The following USH2A variants were observed in gnomAD, a reference collection of about 807,000 sequenced individuals.
The protein encoded by USH2A is Usher syndrome 2A (autosomal recessive, mild).
A neutral mutation model predicts 538.9 loss-of-function variants in USH2A; 443 were observed. The observed-to-expected ratio is 0.82, with a 90% CI of 0.76 to 0.89. The LOEUF is 0.89. Among genes scored for constraint, USH2A ranks in the 40% least tolerant of loss-of-function variants. USH2A has a pLI of 0.00. For missense variants in USH2A, 6,633 were observed against 6,324.8 expected, an observed-to-expected ratio of 1.05 and a Z score of -1.65; for synonymous variants, 2,413 against 2,273.5, an observed-to-expected ratio of 1.06 and a Z score of -1.75.
chr1:216,153,149 T>C (rs185280011), intron 21 of USH2A, among the ~76,000 whole-genome samples: 17 of 152,212 alleles, frequency 1.1e-4, no homozygotes, highest in Non-Finnish European at 2.4e-4. Flanking sequence ...ACATTTACCA[T>C]CCTTCAGTTT....
At chr1:215,744,586 T>C (rs1394257468) in intron 58 of USH2A, among the ~76,000 whole-genome samples, 2 of 152,214 alleles carry the variant, frequency 1.3e-5, no homozygotes, top group Non-Finnish European at 2.9e-5. Context: ...ATAACATTAC[T>C]GAGGAAGCAC....
intron 47 of USH2A, among the ~76,000 whole-genome samples, chr1:215,826,077 C>A (rs1663144078): frequency 6.6e-6 from 1 of 152,144 alleles, no homozygotes. Context: ...AGCAGTTCTG[C>A]AATGAAAGGT....
intron 21 of USH2A, among the ~76,000 whole-genome samples, chr1:216,139,958 T>C (rs538616141): frequency 6.6e-6 from 1 of 152,256 alleles, no homozygotes; most frequent in African/African-American, 2.4e-5. Flanking sequence ...AGGTGAGCAC[T>C]ACACACACAC....
intron 13 of USH2A, among the ~76,000 whole-genome samples, chr1:216,232,596 A>T (rs1157441302): frequency 1.3e-5 from 2 of 152,228 alleles, no homozygotes; most frequent in Non-Finnish European, 2.9e-5. Context: ...GACTAAAAAA[A>T]GTTATCTGAA....
At chr1:215,769,377 A>C (rs2102750442) in intron 55 of USH2A, among the ~76,000 whole-genome samples, 1 of 152,320 alleles carries the variant, frequency 6.6e-6, no homozygotes, top group East Asian at 1.9e-4. Context: ...AGGTTTGCTA[A>C]GGTTGATTAG....
chr1:216,417,957 C>T (rs1432585364), intron 3 of USH2A, among the ~76,000 whole-genome samples: 1 of 152,070 alleles, frequency 6.6e-6, no homozygotes, highest in Non-Finnish European at 1.5e-5. Flanking sequence ...CATGTCACAG[C>T]TCTCTCAGCC....
chr1:215,939,987 C>T (rs1666596708), intron 37 of USH2A, among the ~76,000 whole-genome samples: 1 of 152,064 alleles, frequency 6.6e-6, no homozygotes, highest in Admixed American at 6.6e-5. Flanking sequence ...ATCCTGATAT[C>T]TTATTCATGT....
chr1:215,841,640 C>T (rs934297144), intron 46 of USH2A, among the ~76,000 whole-genome samples: 3 of 152,044 alleles, frequency 2.0e-5, no homozygotes, highest in Non-Finnish European at 2.9e-5. Flanking sequence ...CACAGGCAAA[C>T]ATTTCATGAC....
Position 215,889,010 on chromosome 1 carries a change from T to C in USH2A, c.7639A>G (p.Arg2547Gly), listed in dbSNP as rs1665141783. ...TGCTGCCAGGTGACCAACATCATTC[T>C]TGACTTCACATCCAGAAGAATCGGA... ...VPPILLDVKS[R>G]MMLVTWQHPR... The change falls in exon 41 of 72, where the codon AGA (arginine) becomes GGA (glycine). Residue 2547 changes from arginine to glycine, a missense_variant. Transcript: ENST00000307340. 6.2e-7 allele frequency: 1 copy of C among 1,613,902 alleles called. No individual in the cohort carries two copies. Among genetic ancestry groups the C allele is most frequent in the African/African-American group, 1.3e-5 (1 of 74,916 alleles).
At chr1:216,284,479 G>A (rs997812143) in intron 11 of USH2A, among the ~76,000 whole-genome samples, 2 of 152,092 alleles carry the variant, frequency 1.3e-5, no homozygotes, top group Admixed American at 6.6e-5. Context: ...GGCCTCCCCC[G>A]CCCTGAGGAA....
At chr1:216,347,306 G>A (rs1195873132) in intron 4 of USH2A, among the ~76,000 whole-genome samples, 1 of 152,008 alleles carries the variant, frequency 6.6e-6, no homozygotes, top group Non-Finnish European at 1.5e-5. Context: ...ATGAGTAAAG[G>A]TTTTTCCCCT....
chr1:216,414,373 G>T (rs905986094), intron 3 of USH2A, among the ~76,000 whole-genome samples: 1 of 151,964 alleles, frequency 6.6e-6, no homozygotes, highest in Non-Finnish European at 1.5e-5. Context: ...TGCTAGTTTT[G>T]GAATAAAAGC....
At position 216,084,815 on chromosome 1, in the gene USH2A, G is replaced by T. The variant is rs1262797421; in HGVS notation, c.5050C>A (p.Pro1684Thr). The change falls in exon 25 of 72, where the codon CCG (proline) becomes ACG (threonine). Residue 1684 changes from proline to threonine, a missense_variant. Transcript: ENST00000307340. ...KDVHFMKNYN[P>T]SAIWEPLDWQ... ...TCCAGAGGTTCCCAAATAGCTGACG[G>T]ATTGTAATTCTTCATAAAATGTACA... The T allele has an allele frequency of 1.9e-6, 3 of 1,613,384 alleles. No individual in the cohort carries two copies. The highest frequency in any genetic ancestry group is 2.5e-6 in the Non-Finnish European group (3 of 1,179,678).
intron 13 of USH2A, among the ~76,000 whole-genome samples, chr1:216,237,499 A>AT (rs2035850093): frequency 6.6e-6 from 1 of 151,124 alleles, no homozygotes. Context: ...CGTCTTAAAA[A>AT]AAAAAAAAAA....
chr1:216,210,987 C>G (rs187333298), intron 15 of USH2A, among the ~76,000 whole-genome samples: 1 of 118,352 alleles, frequency 8.4e-6, no homozygotes, highest in Admixed American at 1.1e-4. Context: ...AAAACAACAA[C>G]AACAAAAAGG....
At chr1:216,272,148 T>C (rs941217349) in intron 11 of USH2A, among the ~76,000 whole-genome samples, 1 of 152,156 alleles carries the variant, frequency 6.6e-6, no homozygotes, top group Non-Finnish European at 1.5e-5. Flanking sequence ...ATTTTCCTTG[T>C]TGAAAGGTTT....
intron 19 of USH2A, among the ~76,000 whole-genome samples, chr1:216,193,894 G>A (rs547375597): frequency 2.6e-5 from 4 of 152,082 alleles, no homozygotes; most frequent in Non-Finnish European, 4.4e-5. Flanking sequence ...AGGGTACAAA[G>A]GTCTGACTTC....
rs560761987 is a variant in USH2A, at chr1:215,744,349, G to A, written c.11390-1014C>T. Reference sequence around the variant, plus strand: ...AAGTAGGTCTTGTCAGTTTAGCCTCGTCAAAGTCTATTTATATAATTAAAT... The same window carrying A: ...AAGTAGGTCTTGTCAGTTTAGCCTCATCAAAGTCTATTTATATAATTAAAT... On this transcript the variant is annotated intron_variant, in intron 58 of 71. Transcript: ENST00000307340. Among the ~76,000 whole-genome samples, 338 of 152,234 alleles carry A rather than the reference G, an allele frequency of 2.2e-3. 2 individuals are homozygous for A. The highest frequency in any genetic ancestry group is 7.9e-3 in the African/African-American group (327 of 41,528).
intron 66 of USH2A, 56 bp downstream of exon 66, chr1:215,648,472 C>T: frequency 6.4e-7 from 1 of 1,572,890 alleles, no homozygotes; most frequent in South Asian, 1.1e-5. Flanking sequence ...ACCATGAGTT[C>T]ATATGTCTGT....
Sources: gnomAD v4.1 joint callset for allele counts (sites outside exome capture counted in the v4.1 genomes callset) on GRCh38, gnomAD v4.1.1 for gene constraint, MANE v1.5 for transcripts, NCBI Gene and HGNC (gene_info 2026-07-23, HGNC 2026-07-21) for gene names.